PPP6R2: variants seen among roughly 807,000 people sequenced by gnomAD.
PPP6R2 encodes serine/threonine-protein phosphatase 6 regulatory subunit 2.
A neutral mutation model predicts 100.2 loss-of-function variants in PPP6R2; 62 were observed. That is an observed-to-expected ratio of 0.62 (90% CI 0.50 to 0.76). The LOEUF is 0.76. Among genes scored for constraint, PPP6R2 ranks in the 30% least tolerant of loss-of-function variants. The pLI is 0.00. For missense variants in PPP6R2, 1,142 were observed against 1,276.3 expected (o/e 0.89, Z 1.60); for synonymous variants, 525 against 514.7 (o/e 1.02, Z -0.27).
At chr22:50,368,992 A>C (rs928966499) in intron 1 of PPP6R2, among the ~76,000 whole-genome samples, 2 of 152,208 alleles carry the variant, frequency 1.3e-5, no homozygotes, top group Non-Finnish European at 2.9e-5. Context: ...TAATCCCAGC[A>C]CTTTGGGAGG....
At chr22:50,339,878 GGT>G (rs1198906084), upstream of PPP6R2, among the ~76,000 whole-genome samples, 43 of 109,374 alleles carry the variant, frequency 3.9e-4, no homozygotes, top group African/African-American at 1.1e-3. Flanking sequence ...TGTGTGGTGT[GGT>G]GTGTGTGTGG....
At chr22:50,369,133 G>A (rs2049406352) in intron 1 of PPP6R2, among the ~76,000 whole-genome samples, 1 of 151,906 alleles carries the variant, frequency 6.6e-6, no homozygotes, top group African/African-American at 2.4e-5. Context: ...AGCTACTTGG[G>A]AGGCTGAGGC....
chr22:50,419,853 C>G (rs575339032), intron 8 of PPP6R2, among the ~76,000 whole-genome samples: 5 of 152,364 alleles, frequency 3.3e-5, no homozygotes, highest in Admixed American at 6.5e-5. Context: ...GTGTTTATCT[C>G]CCATGCAGAC....
At chr22:50,425,702 G>A (rs1301051806) in intron 10 of PPP6R2, among the ~76,000 whole-genome samples, 1 of 151,666 alleles carries the variant, frequency 6.6e-6, no homozygotes, top group African/African-American at 2.4e-5. Flanking sequence ...CATCTGATGT[G>A]CGTGTGGAAC....
chr22:50,339,991 GT>G (rs2042354135), upstream of PPP6R2, among the ~76,000 whole-genome samples: 1 of 141,084 alleles, frequency 7.1e-6, no homozygotes, highest in Non-Finnish European at 1.5e-5. Context: ...TGTAGTGTGT[GT>G]TATGTGGCGT....
chr22:50,347,354 C>G lies in PPP6R2; in HGVS notation c.-148+3804C>G, dbSNP rs182299903. On this transcript the variant is annotated intron_variant, in intron 1 of 23. Transcript: ENST00000612753. ...CACCCCTCTTGTCCAATCACTGATT[C>G]CCCTTTCCATTATTTCCTAACCCTT... Among the ~76,000 whole-genome samples the G allele has an allele frequency of 9.9e-5, 15 of 152,106 alleles. No homozygotes were observed. The East Asian group carries it at 2.9e-3, about 29-fold the overall frequency.
chr22:50,418,925 G>A lies in PPP6R2; in HGVS notation c.677G>A (p.Gly226Asp). 6.2e-6 allele frequency: 10 copies of A among 1,613,958 alleles called. No individual in the cohort carries two copies. The highest frequency in any genetic ancestry group is 8.5e-6 in the Non-Finnish European group (10 of 1,179,888). Residue 226 changes from glycine (G) to aspartate (D), a missense_variant, in exon 7 of 24, where the codon GGC becomes GAC. By Grantham distance (94) the Gly-to-Asp change is moderately conservative. This residue lies in a region of PPP6R2 where 592 missense variants were observed against 758.9 expected (regional missense o/e 0.78). Transcript: ENST00000612753. ...ATAGTTAGGCTGGGCAGAGACCAGG[G>A]CAGTCAGCTGCAAGAGGCTCTGGAG... is the stretch of plus-strand genomic sequence containing the variant. ...CDIVRLGRDQ[G>D]SQLQEALEPD...
At chr22:50,436,747 CT>C (rs1430265645) in intron 14 of PPP6R2, among the ~76,000 whole-genome samples, 3 of 152,240 alleles carry the variant, frequency 2.0e-5, no homozygotes, top group African/African-American at 2.4e-5. Flanking sequence ...TGGCAGAGGG[CT>C]CCTTTTGCCT....
the PPP6R2 span, among the ~76,000 whole-genome samples, chr22:50,331,237 T>C: frequency 9.2e-5 from 14 of 152,192 alleles, no homozygotes; most frequent in Non-Finnish European, 1.5e-4. Context: ...TTCCAGTGTT[T>C]GCTTATTATG....
At chr22:50,401,416 C>CCA (rs2058007950) in intron 3 of PPP6R2, among the ~76,000 whole-genome samples, 1 of 151,476 alleles carries the variant, frequency 6.6e-6, no homozygotes. Flanking sequence ...ACCGTGTTAG[C>CCA]CAGGATGGTC....
At chr22:50,341,540 T>C (rs575275493), upstream of PPP6R2, among the ~76,000 whole-genome samples, 2 of 152,296 alleles carry the variant, frequency 1.3e-5, no homozygotes, top group South Asian at 4.1e-4. Context: ...TCTGGGTGCT[T>C]TGCTGATTAC....
chr22:50,331,747 C>T, the PPP6R2 span, among the ~76,000 whole-genome samples: 11 of 152,158 alleles, frequency 7.2e-5, no homozygotes, highest in East Asian at 3.9e-4. Context: ...CTCAGCCTCC[C>T]GAGTAGCTGG....
At chr22:50,336,882 A>T in the PPP6R2 span, among the ~76,000 whole-genome samples, 1 of 151,596 alleles carries the variant, frequency 6.6e-6, no homozygotes, top group African/African-American at 2.4e-5. Context: ...AATTTTAAAA[A>T]TTTTTGTAGA....
Position 50,424,875 on chromosome 22 carries a change from C to T in PPP6R2, c.1125+1261C>T, listed in dbSNP as rs2061879000. ...CAGGATGGTCTCAAACTCCTGACCT[C>T]GTGATCCACCCGCCTTGGCCTCCCA... On this transcript the variant is annotated intron_variant, in intron 10 of 23. Transcript: ENST00000612753. Among the ~76,000 whole-genome samples, 3 of 151,996 alleles carry T rather than the reference C, an allele frequency of 2.0e-5. No homozygotes were observed. In the South Asian group the frequency reaches 6.2e-4, roughly 32 times the overall value.
At chr22:50,436,232 G>C in intron 13 of PPP6R2, 135 bp from the exon 14 acceptor site, 2 of 721,048 alleles carry the variant, frequency 2.8e-6, no homozygotes, top group Non-Finnish European at 4.7e-6. Context: ...CCCTGCTTCA[G>C]GCCCTCAGAC....
At chr22:50,357,122 A>G (rs184048531) in intron 1 of PPP6R2, among the ~76,000 whole-genome samples, 30 of 152,254 alleles carry the variant, frequency 2.0e-4, no homozygotes, top group Admixed American at 1.6e-3. Context: ...CTGATGAATT[A>G]TGATGGTGAG....
chr22:50,414,514 G>T (rs1018932383), intron 4 of PPP6R2, 38 bp from the exon 5 acceptor site: 2 of 1,606,712 alleles, frequency 1.2e-6, no homozygotes, highest in Non-Finnish European at 1.7e-6. Context: ...GGTTGTCAGG[G>T]TCGGCCCCGC....
chr22:50,392,984 G>A (rs1317264903), intron 2 of PPP6R2, among the ~76,000 whole-genome samples: 2 of 152,186 alleles, frequency 1.3e-5, no homozygotes, highest in African/African-American at 4.8e-5. Flanking sequence ...GAAAAGATTT[G>A]TAATCTCACA....
At chr22:50,389,571 T>C (rs201495971) in intron 2 of PPP6R2, among the ~76,000 whole-genome samples, 3 of 132,822 alleles carry the variant, frequency 2.3e-5, no homozygotes. Flanking sequence ...TTTTTTTTTT[T>C]GAGATGGAGT....
Sources: gnomAD v4.1 joint callset for allele counts (sites outside exome capture counted in the v4.1 genomes callset) on GRCh38, gnomAD v4.1.1 for gene constraint, gnomAD v4.1.1 regional missense constraint, MANE v1.5 for transcripts, NCBI Gene and HGNC (gene_info 2026-07-23, HGNC 2026-07-21) for gene names.